HIPK2: variants seen among roughly 807,000 people sequenced by gnomAD.
HIPK2 encodes homeodomain-interacting protein kinase 2.
HIPK2 carries 27 observed loss-of-function variants against 113.7 expected under a neutral mutation model. The observed-to-expected ratio is 0.24, with a 90% CI of 0.17 to 0.33. HIPK2 has a LOEUF of 0.33. Ranked by LOEUF, HIPK2 falls within the 10% of genes least tolerant of loss-of-function variation. The probability of loss-of-function intolerance (pLI) is 1.00; values close to 1 mark genes in which losing one functional copy is unlikely to be tolerated. For synonymous variants in HIPK2, 631 were observed against 642.2 expected (o/e 0.98, Z 0.26); for missense variants, 1,257 against 1,588.0 (o/e 0.79, Z 3.54).
intron 11 of HIPK2, 143 bp from the exon 12 acceptor site, chr7:139,597,141 A>C (rs996929517): frequency 1.2e-5 from 10 of 848,248 alleles, no homozygotes; most frequent in Admixed American, 2.8e-5. Context: ...TCCATCTGTG[A>C]CTGGGAAAGG....
At chr7:139,584,110 G>C in intron 12 of HIPK2, 46 bp from the exon 13 acceptor site, 1 of 1,546,728 alleles carries the variant, frequency 6.5e-7, no homozygotes, top group South Asian at 1.3e-5. Flanking sequence ...AGGCCGTGAG[G>C]TGAGACACCC....
intron 1 of HIPK2, among the ~76,000 whole-genome samples, chr7:139,731,538 C>G (rs184792247): frequency 6.6e-6 from 1 of 152,318 alleles, no homozygotes; most frequent in Non-Finnish European, 1.5e-5. Context: ...GGAACCAGGA[C>G]AAAGGGCCGC....
chr7:139,604,261 T>C (rs1393124217), intron 9 of HIPK2, 38 bp from the exon 10 acceptor site: 8 of 1,569,790 alleles, frequency 5.1e-6, no homozygotes, highest in Non-Finnish European at 6.9e-6. Context: ...CCATGTTTGC[T>C]AATCACATAA....
In HIPK2 at chr7:139,567,874, C is replaced by T. The variant is rs772528488; in HGVS notation, c.*5053G>A. On this transcript the variant is annotated 3_prime_UTR_variant, in exon 15 of 15. Coordinates refer to ENST00000406875, the MANE Select transcript of HIPK2 (RefSeq NM_022740.5). ...ACAAGAGTGGTGGTCCCACACCCCA[C>T]CCTGCCCTCAGCATCAGACAAAGAG... 2 of 152,302 alleles carry T rather than the reference C, an allele frequency of 1.3e-5. No individual in the cohort carries two copies. Among genetic ancestry groups the T allele is most frequent in the East Asian group, 1.9e-4 (1 of 5,200 alleles). 9.4% of individuals were successfully genotyped at this position (152,302 alleles called of 1,614,324 possible). A position where few individuals can be genotyped will look rare whatever the true frequency, so the allele number is the denominator to read the frequency against.
chr7:139,584,196 A>T, intron 12 of HIPK2, 132 bp from the exon 13 acceptor site: 1 of 1,255,168 alleles, frequency 8.0e-7, no homozygotes, highest in African/African-American at 1.5e-5. Context: ...TGCCCTCCCT[A>T]ACCCCCATAG....
At chr7:139,739,578 C>A (rs1796038508) in intron 1 of HIPK2, among the ~76,000 whole-genome samples, 1 of 141,682 alleles carries the variant, frequency 7.1e-6, no homozygotes, top group South Asian at 2.1e-4. Context: ...CAGAGTGAGA[C>A]CCTCTCCAAA....
chr7:139,594,789 C>A (rs1257009191), intron 12 of HIPK2, among the ~76,000 whole-genome samples: 1 of 152,214 alleles, frequency 6.6e-6, no homozygotes, highest in East Asian at 1.9e-4. Context: ...CCACTCTTCA[C>A]TGCAGGATGC....
intron 2 of HIPK2, among the ~76,000 whole-genome samples, chr7:139,708,547 G>A (rs1006367752): frequency 1.3e-5 from 2 of 152,220 alleles, no homozygotes; most frequent in Non-Finnish European, 2.9e-5. Flanking sequence ...TTGAGCCCAA[G>A]AGTAGTTCTG....
intron 1 of HIPK2, among the ~76,000 whole-genome samples, chr7:139,744,789 G>A (rs1265593602): frequency 1.3e-5 from 2 of 152,170 alleles, no homozygotes; most frequent in Non-Finnish European, 2.9e-5. Context: ...TGACTCCGGA[G>A]GCCACGTTCT....
chr7:139,583,684 C>T (rs1204346868), intron 13 of HIPK2, 133 bp downstream of exon 13: 15 of 1,334,528 alleles, frequency 1.1e-5, no homozygotes, highest in Middle Eastern at 1.9e-4. Flanking sequence ...ATAAAATCCT[C>T]GGTAAGGGTC....
At chr7:139,756,799 C>T (rs942197968) in intron 1 of HIPK2, among the ~76,000 whole-genome samples, 3 of 152,190 alleles carry the variant, frequency 2.0e-5, no homozygotes, top group Admixed American at 6.5e-5. Flanking sequence ...CCCATACACA[C>T]CGCCTGCTCT....
chr7:139,710,421 G>C (rs982115055), intron 2 of HIPK2, among the ~76,000 whole-genome samples: 1 of 152,072 alleles, frequency 6.6e-6, no homozygotes, highest in Non-Finnish European at 1.5e-5. Flanking sequence ...TTAATTTCTT[G>C]AACTGGCTTT....
chr7:139,572,460 T>A lies in HIPK2; in HGVS notation c.*467A>T, dbSNP rs1798313290. The A allele has an allele frequency of 1.3e-5, 2 of 154,300 alleles. No homozygotes were observed. The highest frequency in any genetic ancestry group is 4.1e-4 in the South Asian group (2 of 4,866). 9.6% of individuals were successfully genotyped at this position (154,300 alleles called of 1,614,324 possible). A position where few individuals can be genotyped will look rare whatever the true frequency, so the allele number is the denominator to read the frequency against. On this transcript the variant is annotated 3_prime_UTR_variant, in exon 15 of 15. Coordinates refer to ENST00000406875, the MANE Select transcript of HIPK2 (RefSeq NM_022740.5). ...GTGTCCCTGACAGCAGTCTTCCGTA[T>A]CACTTGCTGCCATATGAAAATAATC...
chr7:139,731,701 T>A (rs1007636786), intron 1 of HIPK2, among the ~76,000 whole-genome samples: 1 of 152,238 alleles, frequency 6.6e-6, no homozygotes, highest in South Asian at 2.1e-4. Flanking sequence ...GCCGGGGATG[T>A]GAGATGCAGA....
intron 2 of HIPK2, among the ~76,000 whole-genome samples, chr7:139,686,435 A>T (rs960087614): frequency 6.6e-6 from 1 of 152,166 alleles, no homozygotes; most frequent in Non-Finnish European, 1.5e-5. Context: ...CCCAAATCTC[A>T]TCTTGAATTG....
intron 2 of HIPK2, among the ~76,000 whole-genome samples, chr7:139,652,143 A>C (rs1027338724): frequency 2.6e-5 from 4 of 152,206 alleles, no homozygotes; most frequent in Admixed American, 6.5e-5. Flanking sequence ...CAAGCACTGG[A>C]TCACTGCTTC....
intron 2 of HIPK2, among the ~76,000 whole-genome samples, chr7:139,632,488 A>C (rs1585303006): frequency 6.6e-6 from 1 of 152,350 alleles, no homozygotes; most frequent in South Asian, 2.1e-4. Context: ...TCTTCTTAGA[A>C]GTTACCTAAT....
At chr7:139,761,546 G>A (rs1209999910) in intron 1 of HIPK2, among the ~76,000 whole-genome samples, 1 of 152,198 alleles carries the variant, frequency 6.6e-6, no homozygotes, top group Non-Finnish European at 1.5e-5. Flanking sequence ...AGAGGATGGA[G>A]AAATAAGCCT....
chr7:139,672,495 C>T (rs561581153), intron 2 of HIPK2, among the ~76,000 whole-genome samples: 3 of 151,984 alleles, frequency 2.0e-5, no homozygotes, highest in East Asian at 1.9e-4. Context: ...GATGGAGTTT[C>T]GCTCTTGTAG....
Sources: allele counts gnomAD v4.1 joint callset (sites outside exome capture counted in the v4.1 genomes callset), GRCh38; gene constraint gnomAD v4.1.1; transcripts MANE v1.5; gene names NCBI Gene and HGNC (gene_info 2026-07-23, HGNC 2026-07-21).